Variants in FBXW9 observed in about 807,000 individuals in gnomAD.
FBXW9 encodes the protein F-box/WD repeat-containing protein 9.
FBXW9 carries 38 observed loss-of-function variants against 55.8 expected under a neutral mutation model. The ratio of observed to expected loss-of-function variants is 0.68; its 90% CI spans 0.53 to 0.89. The LOEUF (loss-of-function observed/expected upper bound fraction) is 0.89, where lower values mean the gene tolerates loss of function less well. Among genes scored for constraint, FBXW9 ranks in the 40% least tolerant of loss-of-function variants. The probability of loss-of-function intolerance (pLI) is 0.00; values close to 1 mark genes in which losing one functional copy is unlikely to be tolerated. For missense variants in FBXW9, 590 were observed against 619.4 expected (o/e 0.95, Z 0.50); for synonymous variants, 289 against 278.2 (o/e 1.04, Z -0.38).
rs1251849484 is a variant in FBXW9 at position 12,693,557 on chromosome 19, TATATAC to T, written c.678+1031_678+1036del. Among the ~76,000 whole-genome samples the T allele has an allele frequency of 6.5e-3, 108 of 16,744 alleles. 1 individual carries two copies. Among genetic ancestry groups the T allele is most frequent in the Admixed American group, 0.01 (8 of 796 alleles). The allele number at this position is 16,744 out of a possible 152,430, so 11.0% of individuals were successfully genotyped here. On this transcript the variant is annotated intron_variant, in intron 3 of 9. Coordinates refer to ENST00000393261, the MANE Select transcript of FBXW9 (RefSeq NM_032301.3). ...ATATATATATATATATATATATATA[TATATAC>T]ACACACACACACACACACACACACA...
In FBXW9 at chr19:12,694,757, C is replaced by T. The variant is rs1387779220; in HGVS notation, c.550-35G>A. The T allele has an allele frequency of 3.1e-6, 5 of 1,613,768 alleles. No individual in the cohort carries two copies. In the Admixed American group the frequency reaches 5.0e-5, roughly 16 times the overall value. On this transcript the variant is annotated intron_variant, in intron 2 of 9. Coordinates refer to ENST00000393261, the MANE Select transcript of FBXW9 (RefSeq NM_032301.3). ...GAGCAAGGTGATGTTGTCAGGGCCA[C>T]CCTGGCCCACCCTGCCTGGCCCCCC...
Position 12,694,703 on chromosome 19 carries a change from G to A in FBXW9, c.569C>T (p.Ser190Leu), listed in dbSNP as rs1332082222. 9.9e-6 allele frequency: 16 copies of A among 1,613,966 alleles called. No individual in the cohort carries two copies. Among genetic ancestry groups the A allele is most frequent in the Admixed American group, 3.3e-5 (2 of 59,998 alleles). The change falls in exon 3 of 10, where the codon TCG (serine) becomes TTG (leucine). Residue 190 changes from serine (S) to leucine (L), a missense_variant. Transcript: ENST00000393261. ...GTTGACGTTGCGATCTCGGGAGCCC[G>A]ACAGACAGAGTGACCCACCCTGGAA... is the stretch of plus-strand genomic sequence containing the variant. ...LLLQGGSLCL[S>L]GSRDRNVNLW...
Position 12,688,999 on chromosome 19 carries a change from A to C in FBXW9, c.*217T>G. The stretch of plus-strand genomic sequence containing the variant: ...CCAAATCATAACAAAACCAGGGCCC[A>C]AGAGTGGGAAGCGGCCCCCTGGGTG... On this transcript the variant is annotated 3_prime_UTR_variant, in exon 10 of 10. Transcript: ENST00000393261. The C allele has an allele frequency of 1.4e-6, 1 of 696,664 alleles. No individual in the cohort carries two copies. The highest frequency in any genetic ancestry group is 2.7e-5 in the East Asian group (1 of 36,888). 43.2% of individuals were successfully genotyped at this position (696,664 alleles called of 1,614,324 possible).
chr19:12,691,602 A>G (rs1455815552), intron 3 of FBXW9, 148 bp from the exon 4 acceptor site: 19 of 654,936 alleles, frequency 2.9e-5, no homozygotes, highest in Non-Finnish European at 5.1e-5. Flanking sequence ...CCATGGTGAT[A>G]GATGCTGCAG....
rs762052660 is a variant in FBXW9, at chr19:12,689,206, G to T, written c.*10C>A. On this transcript the variant is annotated 3_prime_UTR_variant, in exon 10 of 10. Transcript: ENST00000393261. The surrounding 1 kb of genome is among the most constrained non-coding windows in gnomAD (Gnocchi z 5.9). ...TCCGGCAGGCAGTATCCACATCCAC[G>T]CCCACCTGCTCAGGCCTGCAGCCTC... 4 of 1,584,262 alleles carry T rather than the reference G, an allele frequency of 2.5e-6. No individual in the cohort carries two copies. The South Asian group carries it at 4.4e-5, about 18-fold the overall frequency.
Position 12,689,545 on chromosome 19 carries a change from A to C in FBXW9, c.1232T>G (p.Ile411Ser). ...ALYTTSTDKT[I>S]RVHVPTDPPR... is the part of the protein sequence containing the mutation. Reference sequence around the variant, plus strand: ...GGGGCTGGGCAGGAGCCTCACCCGGATGGTCTTGTCAGTGGATGTGGTGTA... The same window carrying C: ...GGGGCTGGGCAGGAGCCTCACCCGGCTGGTCTTGTCAGTGGATGTGGTGTA... The change falls in exon 8 of 10, where the codon ATC becomes AGC. Residue 411 changes from isoleucine to serine, a missense_variant. Ile to Ser is a moderately radical substitution (Grantham distance 142, BLOSUM62 -2). Coordinates refer to ENST00000393261, the MANE Select transcript of FBXW9 (RefSeq NM_032301.3). The surrounding 1 kb of genome is among the most constrained non-coding windows in gnomAD (Gnocchi z 5.9). 6.2e-7 allele frequency: 1 copy of C among 1,613,956 alleles called. No individual in the cohort carries two copies. Among genetic ancestry groups the C allele is most frequent in the Non-Finnish European group, 8.5e-7 (1 of 1,179,954 alleles).
At chr19:12,691,308 T>A in intron 4 of FBXW9, 34 bp downstream of exon 4, 1 of 1,612,482 alleles carries the variant, frequency 6.2e-7, no homozygotes, top group South Asian at 1.1e-5. Context: ...CAGGGTCCTA[T>A]CCCCGCAGGC....
chr19:12,689,542 C>T lies in FBXW9; in HGVS notation c.1235G>A (p.Arg412Gln), dbSNP rs1330893540. The T allele has an allele frequency of 3.7e-6, 6 of 1,613,916 alleles. No homozygotes were observed. The highest frequency in any genetic ancestry group is 1.6e-4 in the Middle Eastern group (1 of 6,084). ...GTGGGGGCTGGGCAGGAGCCTCACC[C>T]GGATGGTCTTGTCAGTGGATGTGGT... ...LYTTSTDKTI[R>Q]VHVPTDPPRT... is the part of the protein sequence containing the mutation. Residue 412 changes from arginine to glutamine, a missense_variant and splice_region_variant, in exon 8 of 10, where the codon CGG (arginine) becomes CAG (glutamine). Physicochemically the swap from Arg to Gln is conservative, Grantham distance 43. Coordinates refer to ENST00000393261, the MANE Select transcript of FBXW9 (RefSeq NM_032301.3). The surrounding 1 kb of genome is among the most constrained non-coding windows in gnomAD (Gnocchi z 5.9).
rs2025075149 is a variant in FBXW9, at chr19:12,696,602, C to CG, written c.-22dup. 6.2e-7 allele frequency: 1 copy of CG among 1,601,322 alleles called. No homozygotes were observed. The highest frequency in any genetic ancestry group is 8.5e-7 in the Non-Finnish European group (1 of 1,178,810). On this transcript the variant is annotated 5_prime_UTR_variant, in exon 1 of 10. Transcript: ENST00000393261. Reference sequence around the variant, plus strand: ...TCCATTGCGACCGGGTGGGCGCTGCCGGCCTCGCGTCTTGTCTCCTAGGCA... The same window carrying CG: ...TCCATTGCGACCGGGTGGGCGCTGCCGGGCCTCGCGTCTTGTCTCCTAGGCA...
At chr19:12,695,423 A>C (rs1277345467) in intron 1 of FBXW9, among the ~76,000 whole-genome samples, 2 of 152,216 alleles carry the variant, frequency 1.3e-5, no homozygotes, top group Non-Finnish European at 2.9e-5. Flanking sequence ...GACGGGGTCC[A>C]AGCATCTATG....
Position 12,696,577 on chromosome 19 carries a change from T to G in FBXW9, c.5A>C (p.Glu2Ala). The change falls in exon 1 of 10, where the codon GAG becomes GCG. Residue 2 changes from glutamate (E) to alanine (A), a missense_variant. By Grantham distance (107) the Glu-to-Ala change is moderately radical. Transcript: ENST00000393261. M[E>A]LPLGRCDDSR... is the part of the protein sequence containing the mutation. ...ATCATCGCACCGCCCTAGGGGAAGC[T>G]CCATTGCGACCGGGTGGGCGCTGCC... 1 of 1,608,282 alleles carries G rather than the reference T, an allele frequency of 6.2e-7. No homozygotes were observed. The highest frequency in any genetic ancestry group is 8.5e-7 in the Non-Finnish European group (1 of 1,179,532).
In FBXW9 at chr19:12,689,531, G is replaced by A. The variant is rs1410467886; in HGVS notation, c.1236+10C>T. On this transcript the variant is annotated intron_variant, in intron 8 of 9. Coordinates refer to ENST00000393261, the MANE Select transcript of FBXW9 (RefSeq NM_032301.3). The surrounding 1 kb of genome is among the most constrained non-coding windows in gnomAD (Gnocchi z 5.9). The stretch of plus-strand genomic sequence containing the variant: ...ACTGTCCTGGGGTGGGGGCTGGGCA[G>A]GAGCCTCACCCGGATGGTCTTGTCA... The A allele has an allele frequency of 6.2e-7, 1 of 1,614,024 alleles. No homozygotes were observed. Among genetic ancestry groups the A allele is most frequent in the Non-Finnish European group, 8.5e-7 (1 of 1,179,894 alleles).
chr19:12,689,299 G>C lies in FBXW9; in HGVS notation c.1303-9C>G, dbSNP rs537255088. On this transcript the variant is annotated splice_polypyrimidine_tract_variant and intron_variant, in intron 9 of 9. Transcript: ENST00000393261. This position sits in a 1 kb window ranked among gnomAD's most constrained non-coding sequence, Gnocchi z 5.9. ...TTGCCCTCAGCACAGACCTGGGAAGGGGGAGGAACATGAGGAGTCAGGGAC... is the reference window on the plus strand; with the variant it reads ...TTGCCCTCAGCACAGACCTGGGAAGCGGGAGGAACATGAGGAGTCAGGGAC... 14 of 1,614,236 alleles carry C rather than the reference G, an allele frequency of 8.7e-6. No homozygotes were observed. The highest frequency in any genetic ancestry group is 1.2e-5 in the Non-Finnish European group (14 of 1,180,026).
chr19:12,696,534 A>G lies in FBXW9; in HGVS notation c.48T>C (p.Asp16=), dbSNP rs1401711247. Reference sequence around the variant, plus strand: ...CTGTCTCTGACTCTGGGTCCGAGTCATCGTCCCAGGTGCGGGAATCATCGC... The same window carrying G: ...CTGTCTCTGACTCTGGGTCCGAGTCGTCGTCCCAGGTGCGGGAATCATCGC... The part of the protein sequence containing the change: ...GRCDDSRTWD[D]DSDPESETDP... The change falls in exon 1 of 10, where the codon GAT becomes GAC. Residue 16 remains aspartate, a synonymous_variant. Coordinates refer to ENST00000393261, the MANE Select transcript of FBXW9 (RefSeq NM_032301.3). 5.0e-6 allele frequency: 8 copies of G among 1,612,592 alleles called. No homozygotes were observed. The highest frequency in any genetic ancestry group is 5.1e-6 in the Non-Finnish European group (6 of 1,179,978).
chr19:12,689,743 G>A lies in FBXW9; in HGVS notation c.1146+18C>T, dbSNP rs377355514. 6.2e-7 allele frequency: 1 copy of A among 1,612,170 alleles called. No individual in the cohort carries two copies. Among genetic ancestry groups the A allele is most frequent in the Non-Finnish European group, 8.5e-7 (1 of 1,178,364 alleles). On this transcript the variant is annotated intron_variant, in intron 7 of 9. Coordinates refer to ENST00000393261, the MANE Select transcript of FBXW9 (RefSeq NM_032301.3). The surrounding 1 kb of genome is among the most constrained non-coding windows in gnomAD (Gnocchi z 5.9). ...AGCCCGGGGGGAGGGACAGTCAGGG[G>A]CAGGAGCTCCAGCAGACCCGGATAA...
rs1568326346 is a variant in FBXW9, at chr19:12,693,586, AC to A, written c.678+1007del. 9.1e-4 allele frequency among the ~76,000 whole-genome samples: 105 copies of A among 115,492 alleles called. 10 individuals carry two copies. Among genetic ancestry groups the A allele is most frequent in the African/African-American group, 5.1e-3 (98 of 19,388 alleles). The allele number at this position is 115,492 out of a possible 152,430, so 75.8% of individuals were successfully genotyped here. On this transcript the variant is annotated intron_variant, in intron 3 of 9. Coordinates refer to ENST00000393261, the MANE Select transcript of FBXW9 (RefSeq NM_032301.3). ...TACACACACACACACACACACACACACACACACACACACACACACACAAAAG... is the reference window on the plus strand; with the variant it reads ...TACACACACACACACACACACACACAACACACACACACACACACACAAAAG...
At position 12,689,120 on chromosome 19, in the gene FBXW9, G is replaced by C. The variant is rs765354683; in HGVS notation, c.*96C>G. ...GGGACTCCTTGTGCCCTAGGCCCACGGGGCGGAGGCAGCACCAACATTGGG... is the reference window on the plus strand; with the variant it reads ...GGGACTCCTTGTGCCCTAGGCCCACCGGGCGGAGGCAGCACCAACATTGGG... On this transcript the variant is annotated 3_prime_UTR_variant, in exon 10 of 10. Coordinates refer to ENST00000393261, the MANE Select transcript of FBXW9 (RefSeq NM_032301.3). This position sits in a 1 kb window ranked among gnomAD's most constrained non-coding sequence, Gnocchi z 5.9. 3.0e-6 allele frequency: 3 copies of C among 1,012,248 alleles called. No homozygotes were observed. The South Asian group carries it at 3.8e-5, about 13-fold the overall frequency. 62.7% of individuals were successfully genotyped at this position (1,012,248 alleles called of 1,614,324 possible). A position where few individuals can be genotyped will look rare whatever the true frequency, so the allele number is the denominator to read the frequency against.
rs746868637 is a variant in FBXW9 at position 12,689,054 on chromosome 19, G to A, written c.*162C>T. 1.0e-4 allele frequency: 76 copies of A among 726,146 alleles called. 1 individual carries two copies. The highest frequency in any genetic ancestry group is 8.8e-4 in the African/African-American group (51 of 57,840). The allele number at this position is 726,146 out of a possible 1,614,324, so 45.0% of individuals were successfully genotyped here. Reference sequence around the variant, plus strand: ...TGAACCCCAATTTCACCCTTCCCCCGGGCATAGGGCCCAGGCCAGGACGCT... The same window carrying A: ...TGAACCCCAATTTCACCCTTCCCCCAGGCATAGGGCCCAGGCCAGGACGCT... On this transcript the variant is annotated 3_prime_UTR_variant, in exon 10 of 10. Transcript: ENST00000393261. The surrounding 1 kb of genome is among the most constrained non-coding windows in gnomAD (Gnocchi z 5.9).
rs1233920968 is a variant in FBXW9 at position 12,691,338 on chromosome 19, A to G, written c.791+4T>C. ...GCAGGCCCCCTGCCCAGGCCCCCAC[A>G]CACTTTATCTCGCCGAACTGCTGCC... On this transcript the variant is annotated splice_donor_region_variant and intron_variant, in intron 4 of 9. Coordinates refer to ENST00000393261, the MANE Select transcript of FBXW9 (RefSeq NM_032301.3). 2 of 1,613,800 alleles carry G rather than the reference A, an allele frequency of 1.2e-6. No homozygotes were observed. The highest frequency in any genetic ancestry group is 1.7e-5 in the Admixed American group (1 of 60,006).
Sources: gnomAD v4.1 joint callset for allele counts (sites outside exome capture counted in the v4.1 genomes callset) on GRCh38, gnomAD v4.1.1 for gene constraint, Gnocchi (gnomAD v3.1) non-coding constraint, MANE v1.5 for transcripts, NCBI Gene and HGNC (gene_info 2026-07-23, HGNC 2026-07-21) for gene names.